GABRB1: variants seen among roughly 807,000 people sequenced by gnomAD.
GABRB1 encodes the protein gamma-aminobutyric acid type A receptor subunit beta1.
A neutral mutation model predicts 51.6 loss-of-function variants in GABRB1; 17 were observed. That is an observed-to-expected ratio of 0.33 (90% CI 0.23 to 0.49). The LOEUF (loss-of-function observed/expected upper bound fraction) is 0.49. Among genes scored for constraint, GABRB1 ranks in the 20% least tolerant of loss-of-function variants. The pLI is 0.99. For synonymous variants in GABRB1, 247 were observed against 218.9 expected (o/e 1.13, Z -1.14); for missense variants, 410 against 600.6 (o/e 0.68, Z 3.32).
At chr4:47,322,996 A>G (rs1017872838) in intron 5 of GABRB1, among the ~76,000 whole-genome samples, 8 of 151,704 alleles carry the variant, frequency 5.3e-5, no homozygotes, top group African/African-American at 1.9e-4. Context: ...AACAACAACA[A>G]CAATAATAAT....
chr4:47,213,154 T>A (rs1337109619), intron 4 of GABRB1, among the ~76,000 whole-genome samples: 2 of 152,212 alleles, frequency 1.3e-5, no homozygotes, highest in Non-Finnish European at 2.9e-5. Context: ...CTTCAAATCT[T>A]ACATTTTCCT....
intron 8 of GABRB1, among the ~76,000 whole-genome samples, chr4:47,425,287 T>G (rs1313996087): frequency 6.6e-6 from 1 of 152,060 alleles, no homozygotes; most frequent in South Asian, 2.1e-4. Context: ...TGTTAATGAT[T>G]GACTCTGAAG....
chr4:47,409,084 G>C (rs113070616), intron 8 of GABRB1, among the ~76,000 whole-genome samples: 30 of 152,194 alleles, frequency 2.0e-4, no homozygotes, highest in Admixed American at 1.8e-3. Flanking sequence ...CCTTATGGGA[G>C]GGGGAGCATG....
At chr4:47,032,790 G>T in intron 3 of GABRB1, 1 of 582,428 alleles carries the variant, frequency 1.7e-6, no homozygotes, top group Non-Finnish European at 3.3e-6. Context: ...TTCCCTGCGT[G>T]TTTGGATGAG....
chr4:46,999,780 A>T (rs1028500391), intron 1 of GABRB1, among the ~76,000 whole-genome samples: 1 of 152,222 alleles, frequency 6.6e-6, no homozygotes, highest in Non-Finnish European at 1.5e-5. Context: ...ATGACTGTTG[A>T]AATAGACTTT....
chr4:47,394,643 C>T (rs931519812), intron 5 of GABRB1, among the ~76,000 whole-genome samples: 2 of 152,050 alleles, frequency 1.3e-5, no homozygotes, highest in East Asian at 3.9e-4. Context: ...CTAAATTGTA[C>T]TTATTTTGAT....
chr4:47,131,053 C>T (rs1716392023), intron 3 of GABRB1, among the ~76,000 whole-genome samples: 2 of 152,252 alleles, frequency 1.3e-5, no homozygotes, highest in Middle Eastern at 3.4e-3. Context: ...TGATTTAAAG[C>T]CTCTGTGTGC....
intron 4 of GABRB1, among the ~76,000 whole-genome samples, chr4:47,258,842 T>A (rs181741201): frequency 1.8e-4 from 28 of 152,298 alleles, no homozygotes; most frequent in African/African-American, 6.3e-4. Context: ...TAGCATAGTG[T>A]AAAATTTAGA....
At chr4:47,034,147 TA>T (rs1725453160) in intron 3 of GABRB1, among the ~76,000 whole-genome samples, 1 of 152,180 alleles carries the variant, frequency 6.6e-6, no homozygotes, top group Admixed American at 6.5e-5. Flanking sequence ...ATAGAAGATT[TA>T]AAAAGCTCAA....
At chr4:47,138,461 G>A (rs970921753) in intron 3 of GABRB1, among the ~76,000 whole-genome samples, 20 of 151,978 alleles carry the variant, frequency 1.3e-4, no homozygotes, top group Non-Finnish European at 1.6e-4. Context: ...CCCTCAGTAC[G>A]AAGGCTGGGC....
At chr4:47,330,187 A>G (rs998753075) in intron 5 of GABRB1, among the ~76,000 whole-genome samples, 3 of 152,150 alleles carry the variant, frequency 2.0e-5, no homozygotes, top group African/African-American at 7.2e-5. Context: ...CAGGCCTTCA[A>G]CTGGTTGGAT....
At chr4:47,271,946 T>TACTAGTATATATTTAA (rs1318469330) in intron 4 of GABRB1, among the ~76,000 whole-genome samples, 3 of 150,088 alleles carry the variant, frequency 2.0e-5, no homozygotes, top group Non-Finnish European at 4.4e-5. Flanking sequence ...GGGTGAGTTT[T>TACTAGTATATATTTAA]ACTAGTATAT....
At chr4:47,083,952 T>C (rs1727959154) in intron 3 of GABRB1, among the ~76,000 whole-genome samples, 1 of 152,046 alleles carries the variant, frequency 6.6e-6, no homozygotes, top group African/African-American at 2.4e-5. Context: ...TTCTATCCCC[T>C]GGGATAGTCT....
intron 4 of GABRB1, among the ~76,000 whole-genome samples, chr4:47,246,299 TAC>T (rs59187371): frequency 0.24 from 19,986 of 84,020 alleles, 4,060 homozygotes; most frequent in East Asian, 0.31. Context: ...TATATATATA[TAC>T]ACACACACAC....
intron 4 of GABRB1, among the ~76,000 whole-genome samples, chr4:47,268,407 A>G (rs1023738030): frequency 2.0e-5 from 3 of 152,202 alleles, no homozygotes; most frequent in African/African-American, 7.2e-5. Context: ...TTTCCTTCAG[A>G]AAGCCTAAGG....
At chr4:47,244,263 C>T (rs570794748) in intron 4 of GABRB1, among the ~76,000 whole-genome samples, 8 of 152,236 alleles carry the variant, frequency 5.3e-5, no homozygotes, top group East Asian at 1.9e-4. Flanking sequence ...AGCTTTTTGA[C>T]GTGCTGCTGT....
At chr4:47,036,905 A>G (rs550945438) in intron 3 of GABRB1, among the ~76,000 whole-genome samples, 1 of 152,252 alleles carries the variant, frequency 6.6e-6, no homozygotes, top group African/African-American at 2.4e-5. Flanking sequence ...GTAAAGAAAA[A>G]AAGAAATGAA....
chr4:47,213,390 T>C (rs1274563421), intron 4 of GABRB1, among the ~76,000 whole-genome samples: 1 of 152,158 alleles, frequency 6.6e-6, no homozygotes, highest in Non-Finnish European at 1.5e-5. Context: ...CAAAGTTCAG[T>C]GTGAGAAAAT....
chr4:47,414,883 AGCCTTTGAGCCTGG>A (rs1230417242), intron 8 of GABRB1, among the ~76,000 whole-genome samples: 1 of 152,184 alleles, frequency 6.6e-6, no homozygotes, highest in Admixed American at 6.5e-5. Context: ...CCTATCTGTC[AGCCTTTGAGCCTGG>A]GCCTTCAGAC....
Sources: gnomAD v4.1 joint callset for allele counts (sites outside exome capture counted in the v4.1 genomes callset) on GRCh38, gnomAD v4.1.1 for gene constraint, MANE v1.5 for transcripts, NCBI Gene and HGNC (gene_info 2026-07-23, HGNC 2026-07-21) for gene names.